Variants in CDH13 observed in about 807,000 individuals in gnomAD.
CDH13 encodes cadherin-13.
CDH13 carries 24 observed loss-of-function variants against 63.8 expected under a neutral mutation model. The observed-to-expected ratio is 0.38, with a 90% CI of 0.27 to 0.53. The LOEUF (loss-of-function observed/expected upper bound fraction) is 0.53, where lower values mean the gene tolerates loss of function less well. Ranked by LOEUF, CDH13 falls within the 20% of genes least tolerant of loss-of-function variation. The pLI is 0.85. For synonymous variants in CDH13, 503 were observed against 355.3 expected (o/e 1.42, Z -4.67); for missense variants, 1,049 against 903.1 (o/e 1.16, Z -2.07).
chr16:82,900,756 GC>G (rs2151242131), intron 2 of CDH13, among the ~76,000 whole-genome samples: 1 of 152,328 alleles, frequency 6.6e-6, no homozygotes, highest in South Asian at 2.1e-4. Flanking sequence ...TGATATTTCT[GC>G]CCGGCCGTTA....
intron 6 of CDH13, among the ~76,000 whole-genome samples, chr16:83,381,812 T>C (rs1446564710): frequency 6.6e-6 from 1 of 152,136 alleles, no homozygotes; most frequent in Non-Finnish European, 1.5e-5. Context: ...TGCCACCCTA[T>C]ATTTGGCTTT....
intron 1 of CDH13, among the ~76,000 whole-genome samples, chr16:82,664,810 T>C (rs2150932153): frequency 6.6e-6 from 1 of 152,352 alleles, no homozygotes; most frequent in Admixed American, 6.5e-5. Context: ...TCAACGTAAC[T>C]TGTATTTTTG....
chr16:83,370,777 C>T (rs2091352329), intron 6 of CDH13, among the ~76,000 whole-genome samples: 1 of 152,198 alleles, frequency 6.6e-6, no homozygotes, highest in African/African-American at 2.4e-5. Flanking sequence ...CCATTTCCAT[C>T]CATGTCACTG....
At chr16:83,752,143 G>C (rs954654439) in intron 11 of CDH13, among the ~76,000 whole-genome samples, 1 of 152,240 alleles carries the variant, frequency 6.6e-6, no homozygotes. Context: ...GTATGTAGAA[G>C]TATCTGTATC....
At chr16:83,212,278 T>C (rs1199200220) in intron 4 of CDH13, among the ~76,000 whole-genome samples, 1 of 152,064 alleles carries the variant, frequency 6.6e-6, no homozygotes, top group East Asian at 1.9e-4. Flanking sequence ...GTTCGTGAAG[T>C]TGGAATATGC....
At chr16:83,576,831 AT>A (rs1357659135) in intron 7 of CDH13, among the ~76,000 whole-genome samples, 1 of 152,164 alleles carries the variant, frequency 6.6e-6, no homozygotes, top group Admixed American at 6.5e-5. Flanking sequence ...TGATTCAAGT[AT>A]TTTGCCTACA....
chr16:83,318,996 A>G (rs1360274023), intron 5 of CDH13, among the ~76,000 whole-genome samples: 3 of 151,096 alleles, frequency 2.0e-5, no homozygotes, highest in African/African-American at 7.3e-5. Context: ...TAAGAAATCT[A>G]TGAAAATATA....
rs150435448 is a variant in CDH13, at chr16:83,133,581, C to G, written c.483+8080C>G. On this transcript the variant is annotated intron_variant, in intron 4 of 13. Coordinates refer to ENST00000567109, the MANE Select transcript of CDH13 (RefSeq NM_001257.5). ...TGGCGTGATCTGTGCTCACTGCAAC[C>G]TCTGCCTCCGGGGTTCAAGAGATTC... is the stretch of plus-strand genomic sequence containing the variant. 3.6e-3 allele frequency among the ~76,000 whole-genome samples: 543 copies of G among 152,282 alleles called. 6 individuals are homozygous for G. Among genetic ancestry groups the G allele is most frequent in the African/African-American group, 0.011 (469 of 41,556 alleles).
intron 1 of CDH13, among the ~76,000 whole-genome samples, chr16:82,803,700 T>C (rs1488455769): frequency 6.6e-6 from 1 of 152,202 alleles, no homozygotes; most frequent in Non-Finnish European, 1.5e-5. Context: ...CAGGATATTA[T>C]GCTAAGTGAA....
rs868268632 is a variant in CDH13, at chr16:82,766,440, T to A, written c.46-91922T>A. ...ATAACTGTAGAGTATTGTGACAAAG[T>A]GCAAAGATGCCACATGGATTCTGGA... On this transcript the variant is annotated intron_variant, in intron 1 of 13. Transcript: ENST00000567109. Among the ~76,000 whole-genome samples, 3 of 152,334 alleles carry A rather than the reference T, an allele frequency of 2.0e-5. No individual in the cohort carries two copies. The Middle Eastern group carries it at 0.01, about 518-fold the overall frequency.
intron 2 of CDH13, among the ~76,000 whole-genome samples, chr16:82,904,232 A>G (rs148494181): frequency 2.5e-4 from 38 of 152,354 alleles, no homozygotes; most frequent in African/African-American, 7.9e-4. Flanking sequence ...ACTTTTGTCA[A>G]TCATGACTTG....
intron 2 of CDH13, among the ~76,000 whole-genome samples, chr16:82,959,023 T>C (rs1906552381): frequency 6.6e-6 from 1 of 152,222 alleles, no homozygotes; most frequent in Non-Finnish European, 1.5e-5. Context: ...CATCAGACAG[T>C]ATTTTGGCGA....
intron 1 of CDH13, among the ~76,000 whole-genome samples, chr16:82,754,913 A>G (rs1474009265): frequency 6.6e-6 from 1 of 152,236 alleles, no homozygotes; most frequent in Non-Finnish European, 1.5e-5. Context: ...CTAGGTTTCT[A>G]TAATTGACCT....
chr16:83,256,187 C>G (rs1013829304), intron 5 of CDH13, among the ~76,000 whole-genome samples: 2 of 152,042 alleles, frequency 1.3e-5, no homozygotes, highest in Non-Finnish European at 2.9e-5. Flanking sequence ...GCGTGTGCCA[C>G]CATGACCAGC....
At chr16:82,842,117 T>C (rs1298833161) in intron 1 of CDH13, among the ~76,000 whole-genome samples, 647 of 47,064 alleles carry the variant, frequency 0.014, 29 homozygotes, top group Middle Eastern at 0.044. Context: ...TATATGTATA[T>C]ATATATATAT....
At chr16:83,482,562 G>T (rs1386119788) in intron 6 of CDH13, among the ~76,000 whole-genome samples, 1 of 152,210 alleles carries the variant, frequency 6.6e-6, no homozygotes, top group Non-Finnish European at 1.5e-5. Flanking sequence ...AGAGAATGCT[G>T]GTTTAGGAGG....
chr16:83,369,431 G>GT (rs995556781), intron 6 of CDH13, among the ~76,000 whole-genome samples: 2 of 151,620 alleles, frequency 1.3e-5, no homozygotes, highest in East Asian at 1.9e-4. Flanking sequence ...GTTTTGTTTT[G>GT]TTTTTTTGAG....
At chr16:82,999,339 C>A (rs948635243) in intron 2 of CDH13, among the ~76,000 whole-genome samples, 1 of 152,052 alleles carries the variant, frequency 6.6e-6, no homozygotes, top group African/African-American at 2.4e-5. Flanking sequence ...GAAATTTTAC[C>A]GAAATGTTGT....
At chr16:83,697,103 A>C (rs893032309) in intron 10 of CDH13, among the ~76,000 whole-genome samples, 1 of 152,162 alleles carries the variant, frequency 6.6e-6, no homozygotes, top group Non-Finnish European at 1.5e-5. Context: ...TTATTCACAA[A>C]TTCCATATTT....
Sources: gnomAD v4.1 joint callset for allele counts (sites outside exome capture counted in the v4.1 genomes callset) on GRCh38, gnomAD v4.1.1 for gene constraint, MANE v1.5 for transcripts, NCBI Gene and HGNC (gene_info 2026-07-23, HGNC 2026-07-21) for gene names.